CCDC154: variants seen among roughly 807,000 people sequenced by gnomAD.
CCDC154 encodes the protein coiled-coil domain containing 154.
A neutral mutation model predicts 87.5 loss-of-function variants in CCDC154; 91 were observed. That is an observed-to-expected ratio of 1.04 (90% confidence interval 0.88 to 1.24). The LOEUF (loss-of-function observed/expected upper bound fraction) is 1.24. Among genes scored for constraint, CCDC154 ranks in the 50% most tolerant of loss-of-function variants. CCDC154 has a pLI of 0.00. For missense variants in CCDC154, 903 were observed against 879.2 expected, an observed-to-expected ratio of 1.03 and a Z score of -0.34; for synonymous variants, 418 against 400.4, an observed-to-expected ratio of 1.04 and a Z score of -0.52.
Position 1,443,831 on chromosome 16 carries a change from C to T in CCDC154, c.189G>A (p.Gln63=). 2.3e-6 allele frequency: 3 copies of T among 1,304,524 alleles called. No homozygotes were observed. The highest frequency in any genetic ancestry group is 2.5e-5 in the South Asian group (2 of 81,040). 80.8% of individuals were successfully genotyped at this position (1,304,524 alleles called of 1,614,324 possible). Residue 63 remains glutamine (Q), a synonymous_variant, in exon 2 of 17, where the codon CAG becomes CAA. Transcript: ENST00000389176. The part of the protein sequence containing the change: ...HPTSTASVPE[Q]DTAKHWNQLE... The stretch of plus-strand genomic sequence containing the variant: ...GCTGGTTCCAGTGCTTGGCGGTGTC[C>T]TGCTCGGGGACAGAGGCCGTGGATG...
At position 1,434,745 on chromosome 16, in the gene CCDC154, C is replaced by A. The variant is rs541517548; in HGVS notation, c.1800G>T (p.Arg600Ser). Residue 600 changes from arginine to serine, a missense_variant, in exon 16 of 17, where the codon AGG (arginine) becomes AGT (serine). By Grantham distance (110) the Arg-to-Ser change is moderately radical (BLOSUM62 -1). Transcript: ENST00000389176. Reference protein sequence around the residue: ...GSWKALPSLVRPRVFIKDMAP... With the variant: ...GSWKALPSLVSPRVFIKDMAP... ...CCATGTCCTTGATGAAGACCCGCGG[C>A]CTCACCAGGGATGGGAGCGCCTTCC... 1.9e-6 allele frequency: 3 copies of A among 1,545,924 alleles called. No individual in the cohort carries two copies. The highest frequency in any genetic ancestry group is 1.4e-5 in the African/African-American group (1 of 73,176).
intron 6 of CCDC154, among the ~76,000 whole-genome samples, chr16:1,441,758 C>A (rs4786409): frequency 0.42 from 63,991 of 151,472 alleles, 13,962 homozygotes; most frequent in Admixed American, 0.47. Flanking sequence ...TCTGCAGCTG[C>A]CGGCCCCACG....
At chr16:1,443,029 C>G (rs1883480) in intron 4 of CCDC154, 54 bp from the exon 5 acceptor site, 707,000 of 1,540,766 alleles carry the variant, frequency 0.46, 166,019 homozygotes, top group East Asian at 0.8. Context: ...GCAGCCTCGG[C>G]GGGCTGGGGG....
rs1189010266 is a variant in CCDC154, at chr16:1,444,508, C to G, written c.-186G>C. 1.9e-5 allele frequency: 9 copies of G among 469,858 alleles called. No individual in the cohort carries two copies. The Admixed American group carries it at 2.3e-4, about 12-fold the overall frequency. The allele number at this position is 469,858 out of a possible 1,614,324, so 29.1% of individuals were successfully genotyped here. On this transcript the variant is annotated 5_prime_UTR_variant, in exon 1 of 17. Transcript: ENST00000389176. The stretch of plus-strand genomic sequence containing the variant: ...TGCCTTCTCAGGGTCCCCAGGGAGG[C>G]AGGTGTGGGGCAGCGGGGCCGTTCC...
chr16:1,442,779 C>T (rs1253489936), intron 5 of CCDC154, 101 bp downstream of exon 5: 15 of 1,260,272 alleles, frequency 1.2e-5, no homozygotes, highest in Non-Finnish European at 1.5e-5. Context: ...CGCCGGGTTA[C>T]TGGGGACACA....
intron 9 of CCDC154, 148 bp from the exon 10 acceptor site, chr16:1,438,324 C>G: frequency 2.0e-6 from 2 of 1,019,466 alleles, no homozygotes; most frequent in East Asian, 2.7e-5. Context: ...GCCACCAACA[C>G]GGGTTCACTC....
rs2038518134 is a variant in CCDC154, at chr16:1,438,052, G to A, written c.1150C>T (p.Leu384=). The A allele has an allele frequency of 1.9e-6, 3 of 1,547,584 alleles. No individual in the cohort carries two copies. Among genetic ancestry groups the A allele is most frequent in the Non-Finnish European group, 2.6e-6 (3 of 1,145,422 alleles). ...GACATGTTGCGCTACCCCCTCACCA[G>A]CACCAGCTCTCCATGCATCTCCTGC... ...ARQEMHGELV[L]LREKSRALEA... Residue 384 remains leucine, a splice_region_variant and synonymous_variant, in exon 10 of 17, where the codon CTG becomes TTG. Coordinates refer to ENST00000389176, the MANE Select transcript of CCDC154 (RefSeq NM_001143980.3).
chr16:1,436,823 A>G lies in CCDC154; in HGVS notation c.1291-12T>C, dbSNP rs1443679371. 7 of 1,550,246 alleles carry G rather than the reference A, an allele frequency of 4.5e-6. 1 individual carries two copies. The Admixed American group carries it at 7.8e-5, about 17-fold the overall frequency. On this transcript the variant is annotated splice_polypyrimidine_tract_variant and intron_variant, in intron 11 of 16. Coordinates refer to ENST00000389176, the MANE Select transcript of CCDC154 (RefSeq NM_001143980.3). ...CATTCGGTCTTTGCCTGGGGTACAG[A>G]TGCCCAGTGAGGGACAAAGCCAAGA... is the stretch of plus-strand genomic sequence containing the variant.
rs2142351107 is a variant in CCDC154 at position 1,436,520 on chromosome 16, A to G, written c.1412T>C (p.Ile471Thr). ...REKVDGLPQQ[I>T]ESVSDKCLLH... Reference sequence around the variant, plus strand: ...CAGGCACTTGTCGGAGACACTCTCTATCTGAACACAGAGCCGGGAGCGGCG... The same window carrying G: ...CAGGCACTTGTCGGAGACACTCTCTGTCTGAACACAGAGCCGGGAGCGGCG... Residue 471 changes from isoleucine to threonine, a missense_variant and splice_region_variant, in exon 13 of 17, where the codon ATA becomes ACA. Physicochemically the swap from Ile to Thr is moderately conservative, Grantham distance 89 (BLOSUM62 -1). Transcript: ENST00000389176. 1 of 1,548,888 alleles carries G rather than the reference A, an allele frequency of 6.5e-7. No homozygotes were observed. The highest frequency in any genetic ancestry group is 1.2e-5 in the South Asian group (1 of 84,056).
rs34470360 is a variant in CCDC154, at chr16:1,443,908, C to G, written c.112G>C (p.Glu38Gln). ...LLLAGGLASPEPLSLEELSER... is the reference protein window; with the variant it reads ...LLLAGGLASPQPLSLEELSER... ...GAGAGCTCCTCCAGGCTCAAGGGCT[C>G]GGGGCTGGCCAGGCCTCCTGCCAGG... is the stretch of plus-strand genomic sequence containing the variant. Residue 38 changes from glutamate to glutamine, a missense_variant, in exon 2 of 17, where the codon GAG (glutamate) becomes CAG (glutamine). Glu to Gln is a conservative substitution (Grantham distance 29). Coordinates refer to ENST00000389176, the MANE Select transcript of CCDC154 (RefSeq NM_001143980.3). 2.3e-6 allele frequency: 3 copies of G among 1,304,064 alleles called. No homozygotes were observed. The South Asian group carries it at 3.7e-5, about 16-fold the overall frequency. 80.8% of individuals were successfully genotyped at this position (1,304,064 alleles called of 1,614,324 possible).
chr16:1,436,575 C>G (rs991980350), intron 12 of CCDC154, 54 bp from the exon 13 acceptor site: 2 of 1,546,486 alleles, frequency 1.3e-6, no homozygotes, highest in African/African-American at 1.4e-5. Context: ...CTAGGACCAG[C>G]CTTGGCCTCG....
rs561677923 is a variant in CCDC154 at position 1,436,458 on chromosome 16, C to A, written c.1474G>T (p.Glu492Ter). 4.5e-6 allele frequency: 7 copies of A among 1,548,600 alleles called. No individual in the cohort carries two copies. The highest frequency in any genetic ancestry group is 3.9e-5 in the Admixed American group (2 of 51,006). The change falls in exon 13 of 17, where the codon GAA (glutamate) becomes TAA (stop). Residue 492 changes from glutamate (E) to a stop codon, truncating the protein, a stop_gained. Coordinates refer to ENST00000389176, the MANE Select transcript of CCDC154 (RefSeq NM_001143980.3). LOFTEE classifies it high-confidence loss of function. ...TGGAGGCTGTACCTGGCCTTGCCTT[C>A]GGCGGAAATCCTGAGGTCTGAGTCG... ...KSDSDLRISA[E>*]GKAREFKVGA...
rs766449904 is a variant in CCDC154, at chr16:1,442,472, G to A, written c.609C>T (p.Cys203=). ...CCTCTTGGTTCTTCTGCAGGGCGCC[G>A]CAGGCCACCTCCCGGCCCTGCTCCT... The part of the protein sequence containing the change: ...QQEEQGREVA[C]GALQKNQEDS... The change falls in exon 6 of 17, where the codon TGC becomes TGT. Residue 203 remains cysteine, a synonymous_variant. Coordinates refer to ENST00000389176, the MANE Select transcript of CCDC154 (RefSeq NM_001143980.3). 95 of 1,550,014 alleles carry A rather than the reference G, an allele frequency of 6.1e-5. No homozygotes were observed. Among genetic ancestry groups the A allele is most frequent in the East Asian group, 1.2e-4 (5 of 40,888 alleles).
At chr16:1,443,341 CCGGGT>C in intron 3 of CCDC154, 40 bp from the exon 4 acceptor site, 1 of 1,535,730 alleles carries the variant, frequency 6.5e-7, no homozygotes, top group South Asian at 1.2e-5. Flanking sequence ...GGACCTAGGC[CCGGGT>C]CTGGCACCTG....
Position 1,441,462 on chromosome 16 carries a change from A to C in CCDC154, c.675+944T>G, listed in dbSNP as rs542715964. ...TGTGGAGCTCAGACCCGGGCTGCTG[A>C]AATGTGCAGCTGCCCGTTCCCTCCC... On this transcript the variant is annotated intron_variant, in intron 6 of 16. Transcript: ENST00000389176. Among the ~76,000 whole-genome samples the C allele has an allele frequency of 5.9e-5, 9 of 152,262 alleles. No homozygotes were observed. The South Asian group carries it at 1.2e-3, about 21-fold the overall frequency.
chr16:1,443,422 T>C, intron 3 of CCDC154, 84 bp downstream of exon 3: 3 of 1,431,996 alleles, frequency 2.1e-6, no homozygotes, highest in Non-Finnish European at 2.7e-6. Context: ...GCAGCAGGGG[T>C]GAGCTGGGCT....
At chr16:1,441,802 G>C (rs534224631) in intron 6 of CCDC154, among the ~76,000 whole-genome samples, 2 of 152,162 alleles carry the variant, frequency 1.3e-5, no homozygotes, top group Non-Finnish European at 2.9e-5. Flanking sequence ...ATGAGGTCTC[G>C]CTGTGTTGCC....
At chr16:1,439,597 C>T (rs1039652330) in intron 6 of CCDC154, among the ~76,000 whole-genome samples, 1 of 152,230 alleles carries the variant, frequency 6.6e-6, no homozygotes, top group Non-Finnish European at 1.5e-5. Flanking sequence ...ATCTCATACA[C>T]GCAAAGGGTA....
Position 1,438,051 on chromosome 16 carries a change from A to C in CCDC154, c.1151T>G (p.Leu384Arg), listed in dbSNP as rs200441064. Residue 384 changes from leucine to arginine, a missense_variant and splice_region_variant, in exon 10 of 17, where the codon CTG becomes CGG. Coordinates refer to ENST00000389176, the MANE Select transcript of CCDC154 (RefSeq NM_001143980.3). ...GGACATGTTGCGCTACCCCCTCACCAGCACCAGCTCTCCATGCATCTCCTG... is the reference window on the plus strand; with the variant it reads ...GGACATGTTGCGCTACCCCCTCACCCGCACCAGCTCTCCATGCATCTCCTG... ...ARQEMHGELV[L>R]LREKSRALEA... The C allele has an allele frequency of 2.2e-3, 3,383 of 1,547,562 alleles. 8 individuals carry two copies. The highest frequency in any genetic ancestry group is 2.7e-3 in the Non-Finnish European group (3,115 of 1,145,398).
Sources: allele counts gnomAD v4.1 joint callset (sites outside exome capture counted in the v4.1 genomes callset), GRCh38; gene constraint gnomAD v4.1.1; transcripts MANE v1.5; gene names NCBI Gene and HGNC (gene_info 2026-07-23, HGNC 2026-07-21).